The following DNAH11 variants were observed in gnomAD, a reference collection of about 807,000 sequenced individuals.
The protein encoded by DNAH11 is dynein axonemal heavy chain 11, also known as axonemal beta dynein heavy chain 11.
Under a neutral mutation model 526.0 loss-of-function variants are expected in DNAH11, and 442 were observed. The ratio of observed to expected loss-of-function variants is 0.84; its 90% CI spans 0.78 to 0.91. The LOEUF is 0.91. Among genes scored for constraint, DNAH11 ranks in the 40% least tolerant of loss-of-function variants. DNAH11 has a pLI of 0.00. For missense variants in DNAH11, 6,989 were observed against 5,448.7 expected (o/e 1.28, Z -8.90); for synonymous variants, 2,461 against 1,935.9 (o/e 1.27, Z -7.12).
chr7:21,842,786 A>T (rs1415593469), intron 66 of DNAH11, 38 bp downstream of exon 66: 2 of 1,533,970 alleles, frequency 1.3e-6, no homozygotes, highest in Non-Finnish European at 8.8e-7. Context: ...CTTAGTCGGC[A>T]TTTGCTTTGC....
chr7:21,709,251 GACA>G (rs1030201746), intron 40 of DNAH11, among the ~76,000 whole-genome samples: 1 of 152,150 alleles, frequency 6.6e-6, no homozygotes, highest in Non-Finnish European at 1.5e-5. Context: ...CATAAAAAAG[GACA>G]ACATCATGTT....
intron 8 of DNAH11, among the ~76,000 whole-genome samples, chr7:21,580,334 G>A (rs1432215363): frequency 1.8e-4 from 27 of 152,204 alleles, no homozygotes; most frequent in Admixed American, 1.8e-3. Context: ...ATTAGCCAAT[G>A]AGCCTTGAAT....
chr7:21,687,039 C>G, intron 32 of DNAH11, 60 bp from the exon 33 acceptor site: 1 of 1,517,024 alleles, frequency 6.6e-7, no homozygotes, highest in South Asian at 1.4e-5. Context: ...TGTATTGCCT[C>G]TGATGTTTTA....
chr7:21,835,308 A>T (rs773825021), intron 65 of DNAH11, among the ~76,000 whole-genome samples: 5 of 152,130 alleles, frequency 3.3e-5, no homozygotes, highest in Non-Finnish European at 5.9e-5. Flanking sequence ...AGATAAGGAC[A>T]TACACAAAAG....
In DNAH11 at chr7:21,750,270, C is replaced by T; in HGVS notation, c.8846C>T (p.Ser2949Phe). 6.2e-7 allele frequency: 1 copy of T among 1,605,256 alleles called. No homozygotes were observed. Among genetic ancestry groups the T allele is most frequent in the Non-Finnish European group, 8.5e-7 (1 of 1,175,644 alleles). ...GATGAAGATGTGGACAAGATAATTTCTGGAATTCATAATGAAGTTCATGCT... is the reference window on the plus strand; with the variant it reads ...GATGAAGATGTGGACAAGATAATTTTTGGAATTCATAATGAAGTTCATGCT... ...FSDEDVDKII[S>F]GIHNEVHALG... Residue 2949 changes from serine (S) to phenylalanine (F), a missense_variant, in exon 54 of 82, where the codon TCT becomes TTT. By Grantham distance (155) the Ser-to-Phe change is radical. Transcript: ENST00000409508.
chr7:21,776,990 A>T (rs1159079382), intron 56 of DNAH11, among the ~76,000 whole-genome samples: 1 of 151,544 alleles, frequency 6.6e-6, no homozygotes, highest in South Asian at 2.1e-4. Flanking sequence ...TATCACATGT[A>T]GGTCTGGGTA....
In DNAH11 at chr7:21,663,223, C is replaced by T. The variant is rs182424782; in HGVS notation, c.5328+4192C>T. Among the ~76,000 whole-genome samples, 14 of 152,094 alleles carry T rather than the reference C, an allele frequency of 9.2e-5. No individual in the cohort carries two copies. In the East Asian group the frequency reaches 2.5e-3, roughly 27 times the overall value. On this transcript the variant is annotated intron_variant, in intron 30 of 81. Transcript: ENST00000409508. ...GTCACATTTTCTTTTTCCATTCATC[C>T]GTCAGTGGCCACTTAGGTTGATTCC...
chr7:21,640,723 TA>T (rs1291676784), intron 28 of DNAH11, among the ~76,000 whole-genome samples: 1 of 152,106 alleles, frequency 6.6e-6, no homozygotes, highest in Non-Finnish European at 1.5e-5. Context: ...CCTTTCTTAT[TA>T]AAAACTTAAA....
At chr7:21,632,122 C>T (rs1385869783) in intron 25 of DNAH11, among the ~76,000 whole-genome samples, 4 of 152,194 alleles carry the variant, frequency 2.6e-5, no homozygotes, top group African/African-American at 7.2e-5. Context: ...AGCCACGTCC[C>T]GAGCTCTATG....
chr7:21,785,314 C>A (rs955477242), intron 58 of DNAH11, among the ~76,000 whole-genome samples: 2 of 152,144 alleles, frequency 1.3e-5, no homozygotes, highest in African/African-American at 4.8e-5. Flanking sequence ...TAAGGAGATA[C>A]TTACATGGGT....
At chr7:21,601,660 G>T in intron 18 of DNAH11, 42 bp downstream of exon 18, 5 of 1,414,106 alleles carry the variant, frequency 3.5e-6, no homozygotes, top group Non-Finnish European at 4.7e-6. Flanking sequence ...CATAAATTGA[G>T]CATCTCTTTT....
intron 62 of DNAH11, 62 bp from the exon 63 acceptor site, chr7:21,807,821 A>G: frequency 6.6e-7 from 1 of 1,503,916 alleles, no homozygotes; most frequent in Non-Finnish European, 9.1e-7. Flanking sequence ...AATTGCATTA[A>G]GCATTTGTGG....
At chr7:21,855,825 T>C (rs962639661) in intron 68 of DNAH11, among the ~76,000 whole-genome samples, 1 of 152,156 alleles carries the variant, frequency 6.6e-6, no homozygotes, top group Non-Finnish European at 1.5e-5. Context: ...TAGATACATA[T>C]AGATATATAT....
chr7:21,888,181 G>A (rs1246012242), intron 76 of DNAH11, among the ~76,000 whole-genome samples: 2 of 152,096 alleles, frequency 1.3e-5, no homozygotes, highest in African/African-American at 4.8e-5. Context: ...TCATTCTCAA[G>A]ACACCATGAT....
chr7:21,873,520 C>A lies in DNAH11; in HGVS notation c.12195+19C>A. On this transcript the variant is annotated intron_variant, in intron 74 of 81. Coordinates refer to ENST00000409508, the MANE Select transcript of DNAH11 (RefSeq NM_001277115.2). ...TGATCAGGTAAGAAAGCGAAGCAGG[C>A]TAGGCAGACAATGAAGTCAGAGTCA... The A allele has an allele frequency of 6.2e-7, 1 of 1,610,194 alleles. No individual in the cohort carries two copies.
chr7:21,792,192 T>C lies in DNAH11; in HGVS notation c.10026+2850T>C, dbSNP rs542586774. On this transcript the variant is annotated intron_variant, in intron 61 of 81. Coordinates refer to ENST00000409508, the MANE Select transcript of DNAH11 (RefSeq NM_001277115.2). ...AAATGATCATACAGTTTTTGTTCTT[T>C]ATTCTCTTAATGAGATATATCACAT... Among the ~76,000 whole-genome samples the C allele has an allele frequency of 5.3e-5, 8 of 152,334 alleles. No homozygotes were observed. The East Asian group carries it at 1.2e-3, about 22-fold the overall frequency.
At chr7:21,705,361 G>T in intron 38 of DNAH11, 99 bp from the exon 39 acceptor site, 2 of 1,158,766 alleles carry the variant, frequency 1.7e-6, no homozygotes, top group Non-Finnish European at 2.5e-6. Flanking sequence ...GTGGGGGCTG[G>T]CTTGGGTGTA....
intron 62 of DNAH11, among the ~76,000 whole-genome samples, chr7:21,804,366 C>T (rs1311940263): frequency 1.3e-5 from 2 of 152,202 alleles, no homozygotes; most frequent in Admixed American, 1.3e-4. Flanking sequence ...GCCTCAGCCT[C>T]CCAAAGTGCT....
chr7:21,633,583 A>G (rs528173978), intron 25 of DNAH11, among the ~76,000 whole-genome samples: 1 of 152,266 alleles, frequency 6.6e-6, no homozygotes, highest in South Asian at 2.1e-4. Flanking sequence ...ACATATGTTT[A>G]TTTATTCATT....
Sources: gnomAD v4.1 joint callset for allele counts (sites outside exome capture counted in the v4.1 genomes callset) on GRCh38, gnomAD v4.1.1 for gene constraint, MANE v1.5 for transcripts, NCBI Gene and HGNC (gene_info 2026-07-23, HGNC 2026-07-21) for gene names.